Variants in GALNT14 observed in about 807,000 individuals in gnomAD.
GALNT14 encodes polypeptide N-acetylgalactosaminyltransferase 14, also known as UDP-GalNAc:polypeptide N-acetylgalactosaminyltransferase 14.
GALNT14 carries 60 observed loss-of-function variants against 77.5 expected under a neutral mutation model. That is an observed-to-expected ratio of 0.77 (90% CI 0.63 to 0.96). The LOEUF (loss-of-function observed/expected upper bound fraction) is 0.96, where lower values mean the gene tolerates loss of function less well. Among genes scored for constraint, GALNT14 ranks in the 40% least tolerant of loss-of-function variants. GALNT14 has a pLI of 0.00. For synonymous variants in GALNT14, 280 were observed against 281.7 expected (o/e 0.99, Z 0.06); for missense variants, 710 against 731.0 (o/e 0.97, Z 0.33).
At chr2:31,134,295 T>C (rs1217756225) in intron 1 of GALNT14, among the ~76,000 whole-genome samples, 1 of 152,178 alleles carries the variant, frequency 6.6e-6, no homozygotes, top group Admixed American at 6.5e-5. Context: ...TCCTCTTGCT[T>C]TGGAAGAAAA....
intron 14 of GALNT14, among the ~76,000 whole-genome samples, chr2:30,911,481 G>C (rs1018997469): frequency 6.6e-6 from 1 of 152,100 alleles, no homozygotes; most frequent in African/African-American, 2.4e-5. Flanking sequence ...AGCACACGAC[G>C]GGCCAGAGCA....
At chr2:30,979,464 G>A (rs1668851199) in intron 2 of GALNT14, among the ~76,000 whole-genome samples, 1 of 152,140 alleles carries the variant, frequency 6.6e-6, no homozygotes, top group Admixed American at 6.5e-5. Flanking sequence ...GAGGAATCAA[G>A]GAGGAGAGAC....
In GALNT14 at chr2:31,063,389, C is replaced by T. The variant is rs988975245; in HGVS notation, c.130-70382G>A. 1.3e-5 allele frequency among the ~76,000 whole-genome samples: 2 copies of T among 152,012 alleles called. 1 individual carries two copies. The highest frequency in any genetic ancestry group is 1.3e-4 in the Admixed American group (2 of 15,242). ...GGTTGTGGATGTGTGGTGTTATTTA[C>T]GTGGCCTCTATTCTGTTCCATTGGT... On this transcript the variant is annotated intron_variant, in intron 1 of 14. Coordinates refer to ENST00000349752, the MANE Select transcript of GALNT14 (RefSeq NM_024572.4).
At chr2:31,018,210 C>T (rs184227816) in intron 1 of GALNT14, among the ~76,000 whole-genome samples, 13 of 152,380 alleles carry the variant, frequency 8.5e-5, no homozygotes, top group Admixed American at 2.0e-4. Flanking sequence ...CTGGCCCAGG[C>T]CGAGAAAGAG....
chr2:30,904,083 C>A, the GALNT14 span, among the ~76,000 whole-genome samples: 1 of 152,178 alleles, frequency 6.6e-6, no homozygotes, highest in African/African-American at 2.4e-5. Context: ...GCTGAGATGT[C>A]TGGACCCAAC....
the GALNT14 span, among the ~76,000 whole-genome samples, chr2:30,901,583 T>C: frequency 6.6e-6 from 1 of 151,330 alleles, no homozygotes; most frequent in Non-Finnish European, 1.5e-5. Flanking sequence ...TGTATATATG[T>C]GAGTATATAT....
chr2:31,128,428 C>T (rs1380980250), intron 1 of GALNT14, among the ~76,000 whole-genome samples: 2 of 152,142 alleles, frequency 1.3e-5, no homozygotes, highest in East Asian at 3.8e-4. Context: ...CAGGCACTTG[C>T]TTGCATTTCA....
At chr2:30,978,368 G>T (rs1306782846) in intron 2 of GALNT14, among the ~76,000 whole-genome samples, 2 of 152,182 alleles carry the variant, frequency 1.3e-5, no homozygotes, top group Non-Finnish European at 2.9e-5. Flanking sequence ...GCAGGCAGGG[G>T]CCACGTTTCT....
chr2:30,959,047 C>T (rs1416099228), intron 3 of GALNT14, among the ~76,000 whole-genome samples: 1 of 152,162 alleles, frequency 6.6e-6, no homozygotes, highest in Non-Finnish European at 1.5e-5. Flanking sequence ...CCCCACCTCC[C>T]ATGCCCAGTG....
rs1254790988 is a variant in GALNT14 at position 31,057,354 on chromosome 2, G to A, written c.130-64347C>T. Reference sequence around the variant, plus strand: ...TATATATACACGTATATATATGTGTGTGTGTGTGTGTGTGTGTGTGTATAT... The same window carrying A: ...TATATATACACGTATATATATGTGTATGTGTGTGTGTGTGTGTGTGTATAT... On this transcript the variant is annotated intron_variant, in intron 1 of 14. Transcript: ENST00000349752. Among the ~76,000 whole-genome samples, 72 of 78,970 alleles carry A rather than the reference G, an allele frequency of 9.1e-4. 1 individual carries two copies. The highest frequency in any genetic ancestry group is 2.2e-3 in the African/African-American group (41 of 18,282). The allele number at this position is 78,970 out of a possible 152,430, so 51.8% of individuals were successfully genotyped here. A position where few individuals can be genotyped will look rare whatever the true frequency, so the allele number is the denominator to read the frequency against.
intron 1 of GALNT14, among the ~76,000 whole-genome samples, chr2:31,122,239 C>T (rs893859411): frequency 1.3e-5 from 2 of 152,130 alleles, no homozygotes; most frequent in African/African-American, 2.4e-5. Flanking sequence ...ATAAGCAGAA[C>T]GTGAAGGGCA....
chr2:31,033,501 C>T (rs1672536404), intron 1 of GALNT14, among the ~76,000 whole-genome samples: 1 of 152,154 alleles, frequency 6.6e-6, no homozygotes, highest in Admixed American at 6.5e-5. Context: ...TCTGATAATG[C>T]TATTTTTGCT....
the GALNT14 span, among the ~76,000 whole-genome samples, chr2:30,889,045 C>G: frequency 6.6e-6 from 1 of 151,938 alleles, no homozygotes; most frequent in Non-Finnish European, 1.5e-5. Flanking sequence ...TGTAAAGAAG[C>G]CTGGGAGTAG....
rs375459454 is a variant in GALNT14 at position 30,978,650 on chromosome 2, C to T, written c.300-12348G>A. ...CCTCTGTTCTGAGGATTCACTCGCT[C>T]ACCGGCACCTGCACTCCCAATCCCT... On this transcript the variant is annotated intron_variant, in intron 2 of 14. Transcript: ENST00000349752. Among the ~76,000 whole-genome samples the T allele has an allele frequency of 2.0e-5, 3 of 152,282 alleles. 1 individual carries two copies. Among genetic ancestry groups the T allele is most frequent in the Admixed American group, 1.3e-4 (2 of 15,298 alleles).
intron 1 of GALNT14, among the ~76,000 whole-genome samples, chr2:31,130,162 C>T (rs376955621): frequency 1.2e-4 from 18 of 152,180 alleles, no homozygotes; most frequent in African/African-American, 2.4e-4. Flanking sequence ...GGAAATGGCA[C>T]GCAGAAAAGG....
intron 1 of GALNT14, among the ~76,000 whole-genome samples, chr2:31,095,912 A>G (rs1676978794): frequency 6.6e-6 from 1 of 152,186 alleles, no homozygotes; most frequent in Non-Finnish European, 1.5e-5. Context: ...TCCTGCCTAG[A>G]TTAGGCCCAT....
At chr2:31,071,835 A>C (rs7565689) in intron 1 of GALNT14, among the ~76,000 whole-genome samples, 94,170 of 152,050 alleles carry the variant, frequency 0.62, 30,228 homozygotes, top group African/African-American at 0.8. Context: ...AAAATGCAGG[A>C]TTCTTGCTCA....
chr2:30,952,329 TATTCACAATAGCAAAGACG>T (rs1182459392), intron 6 of GALNT14, among the ~76,000 whole-genome samples: 2 of 151,984 alleles, frequency 1.3e-5, no homozygotes, highest in East Asian at 3.9e-4. Flanking sequence ...ATTGCGGCAT[TATTCACAATAGCAAAGACG>T]TGGAACCAAC....
chr2:31,110,230 A>C (rs1297173389), intron 1 of GALNT14, among the ~76,000 whole-genome samples: 1 of 152,148 alleles, frequency 6.6e-6, no homozygotes, highest in Non-Finnish European at 1.5e-5. Context: ...CGTGTATTAT[A>C]AATGCAGAGA....
Sources: allele counts gnomAD v4.1 joint callset (sites outside exome capture counted in the v4.1 genomes callset), GRCh38; gene constraint gnomAD v4.1.1; transcripts MANE v1.5; gene names NCBI Gene and HGNC (gene_info 2026-07-23, HGNC 2026-07-21).